Variants in RCOR2 observed in about 807,000 individuals in gnomAD.
RCOR2 encodes REST corepressor 2.
In RCOR2, 19 loss-of-function variants were observed where a neutral mutation model predicts 58.9. That is an observed-to-expected ratio of 0.32 (90% CI 0.23 to 0.47). The LOEUF is 0.47. Ranked by LOEUF, RCOR2 falls within the 20% of genes least tolerant of loss-of-function variation. RCOR2 has a pLI of 1.00. For synonymous variants in RCOR2, 286 were observed against 278.7 expected (o/e 1.03, Z -0.26); for missense variants, 590 against 707.9 (o/e 0.83, Z 1.89).
At chr11:63,912,566 AC>A (rs1260900336) in intron 10 of RCOR2, 32 bp from the exon 11 acceptor site, 1 of 1,591,060 alleles carries the variant, frequency 6.3e-7, no homozygotes, top group African/African-American at 1.3e-5. Flanking sequence ...CAGCGTCAAT[AC>A]CCCTTCGAAC....
At position 63,914,509 on chromosome 11, in the gene RCOR2, T is replaced by G. The variant is rs377722799; in HGVS notation, c.513A>C (p.Lys171Asn). 1.2e-6 allele frequency: 2 copies of G among 1,613,736 alleles called. No individual in the cohort carries two copies. The highest frequency in any genetic ancestry group is 1.7e-5 in the Admixed American group (1 of 60,020). The part of the protein sequence containing the change: ...LPDKLIPSLV[K>N]YYYSWKKTRS... ...GGGTCTTCTTCCAAGAGTAGTAGTA[T>G]TTCACCAGGCTGGGAATCAACTTGT... The change falls in exon 6 of 12, where the codon AAA becomes AAC. Residue 171 changes from lysine to asparagine, a missense_variant. Around this residue, in one of 3 missense-constraint regions of RCOR2, gnomAD observed 390 missense variants for 478.7 expected, o/e 0.81. Coordinates refer to ENST00000301459, the MANE Select transcript of RCOR2 (RefSeq NM_173587.4).
At chr11:63,921,391 T>G (rs1941915190), upstream of RCOR2, among the ~76,000 whole-genome samples, 1 of 152,162 alleles carries the variant, frequency 6.6e-6, no homozygotes, top group Non-Finnish European at 1.5e-5. Flanking sequence ...AGTGCCTGGA[T>G]CATGGTCCCC....
At chr11:63,925,780 G>A in the RCOR2 span, among the ~76,000 whole-genome samples, 1 of 143,590 alleles carries the variant, frequency 7.0e-6, no homozygotes, top group Non-Finnish European at 1.5e-5. Context: ...CAGCCTGGGC[G>A]ACAGGGTGAG....
Position 63,912,371 on chromosome 11 carries a change from T to G in RCOR2, c.1191A>C (p.Pro397=), listed in dbSNP as rs899405352. The part of the protein sequence containing the change: ...EAEQDGAPGA[P]VPMEEARRGA... The stretch of plus-strand genomic sequence containing the variant: ...CTCTCCTAGCCTCCTCCATGGGGAC[T>G]GGGGCTCCAGGGGCCCCATCCTGCT... The change falls in exon 11 of 12, where the codon CCA becomes CCC. Residue 397 remains proline (P), a synonymous_variant. Coordinates refer to ENST00000301459, the MANE Select transcript of RCOR2 (RefSeq NM_173587.4). 1.2e-6 allele frequency: 2 copies of G among 1,613,586 alleles called. No individual in the cohort carries two copies. Among genetic ancestry groups the G allele is most frequent in the Admixed American group, 3.3e-5 (2 of 59,992 alleles).
the RCOR2 span, among the ~76,000 whole-genome samples, chr11:63,926,789 T>TTG: frequency 8.5e-5 from 9 of 105,306 alleles, no homozygotes; most frequent in African/African-American, 1.2e-4. Flanking sequence ...GTTTTTTTTT[T>TTG]TTGTTTTGTT....
upstream of RCOR2, among the ~76,000 whole-genome samples, chr11:63,920,293 G>A (rs1252787006): frequency 1.3e-5 from 2 of 152,242 alleles, no homozygotes; most frequent in African/African-American, 4.8e-5. Context: ...AGGTGAGGCC[G>A]AGGGGACAAA....
chr11:63,915,570 G>T lies in RCOR2; in HGVS notation c.169C>A (p.Pro57Thr). Residue 57 changes from proline (P) to threonine (T), a missense_variant, in exon 2 of 12, where the codon CCG (proline) becomes ACG (threonine). Pro to Thr is a conservative substitution (Grantham distance 38). Around this residue, in one of 3 missense-constraint regions of RCOR2, gnomAD observed 390 missense variants for 478.7 expected, o/e 0.81. Transcript: ENST00000301459. ...TGCGGCTCACCAGGCTTGCACTCCG[G>T]AATTACGGCCTGGTAATTGGTTCCA... ...RVGTNYQAVI[P>T]ECKPESPARY... 6.6e-7 allele frequency: 1 copy of T among 1,526,710 alleles called. No homozygotes were observed. Among genetic ancestry groups the T allele is most frequent in the Non-Finnish European group, 8.8e-7 (1 of 1,132,680 alleles). 94.6% of individuals were successfully genotyped at this position (1,526,710 alleles called of 1,614,324 possible). A position where few individuals can be genotyped will look rare whatever the true frequency, so the allele number is the denominator to read the frequency against.
chr11:63,917,404 GC>G (rs1056881750), upstream of RCOR2, among the ~76,000 whole-genome samples: 6 of 152,138 alleles, frequency 3.9e-5, no homozygotes, highest in Middle Eastern at 3.4e-3. Context: ...AGACCCCACT[GC>G]CCCCCAGGAG....
chr11:63,922,361 A>AT, the RCOR2 span, among the ~76,000 whole-genome samples: 2 of 151,848 alleles, frequency 1.3e-5, no homozygotes, highest in African/African-American at 4.8e-5. Flanking sequence ...TAATACAAAT[A>AT]TTTTTTTTCT....
At chr11:63,917,363 G>T (rs1590737831), upstream of RCOR2, among the ~76,000 whole-genome samples, 1 of 152,064 alleles carries the variant, frequency 6.6e-6, no homozygotes, top group African/African-American at 2.4e-5. Flanking sequence ...CTCCCCTCGC[G>T]TCCCTGGGCT....
the RCOR2 span, among the ~76,000 whole-genome samples, chr11:63,925,800 CA>C: frequency 1.1e-3 from 145 of 134,252 alleles, no homozygotes; most frequent in East Asian, 2.5e-3. Flanking sequence ...GACCCTGTCT[CA>C]AAAAAAAAAA....
chr11:63,912,317 C>G lies in RCOR2; in HGVS notation c.1245G>C (p.Glu415Asp). ...ACCCCCTTCTCACCTCATCATCTTC[C>G]TCTAGGGCTGGGGCTGGCAATGGAG... ...RGAPLPAPAL[E>D]EDDEVQITSV... The change falls in exon 11 of 12, where the codon GAG becomes GAC. Residue 415 changes from glutamate to aspartate, a missense_variant. Physicochemically the swap from Glu to Asp is conservative, Grantham distance 45. Transcript: ENST00000301459. 1 of 1,612,920 alleles carries G rather than the reference C, an allele frequency of 6.2e-7. No homozygotes were observed. Among genetic ancestry groups the G allele is most frequent in the Non-Finnish European group, 8.5e-7 (1 of 1,179,416 alleles).
upstream of RCOR2, among the ~76,000 whole-genome samples, chr11:63,921,906 C>T (rs1337901787): frequency 2.0e-5 from 3 of 152,222 alleles, no homozygotes; most frequent in Non-Finnish European, 4.4e-5. Flanking sequence ...GAACATTTCC[C>T]ACAAAGTCCA....
At position 63,911,961 on chromosome 11, in the gene RCOR2, G is replaced by T; in HGVS notation, c.1476C>A (p.Pro492=). ...PNQPPPPLIR[P]ALAAPRHSAR... is the part of the protein sequence containing the mutation. The stretch of plus-strand genomic sequence containing the variant: ...CGCTGTGGCGGGGGGCAGCCAGAGC[G>T]GGGCGGATGAGAGGCGGTGGGGGCT... The change falls in exon 12 of 12, where the codon CCC becomes CCA. Residue 492 remains proline (P), a synonymous_variant. Coordinates refer to ENST00000301459, the MANE Select transcript of RCOR2 (RefSeq NM_173587.4). The T allele has an allele frequency of 7.5e-7, 1 of 1,335,386 alleles. No individual in the cohort carries two copies. Among genetic ancestry groups the T allele is most frequent in the Non-Finnish European group, 9.9e-7 (1 of 1,008,236 alleles). The allele number at this position is 1,335,386 out of a possible 1,614,324, so 82.7% of individuals were successfully genotyped here.
chr11:63,914,378 C>T (rs770120795), intron 6 of RCOR2, 39 bp downstream of exon 6: 3 of 1,613,294 alleles, frequency 1.9e-6, no homozygotes, highest in Non-Finnish European at 2.5e-6. Context: ...GCCAGGAGCT[C>T]TACCTACCCC....
In RCOR2 at chr11:63,916,552, G is replaced by T; in HGVS notation, c.-96C>A. 1.4e-6 allele frequency: 2 copies of T among 1,478,998 alleles called. No homozygotes were observed. The highest frequency in any genetic ancestry group is 2.2e-5 in the Admixed American group (1 of 44,614). 91.6% of individuals were successfully genotyped at this position (1,478,998 alleles called of 1,614,324 possible). A position where few individuals can be genotyped will look rare whatever the true frequency, so the allele number is the denominator to read the frequency against. ...AGTGCCGAGCCCGGCCCGGCCTGGA[G>T]AGGTCGCCACTGAGGTTAGGAGAGG... On this transcript the variant is annotated 5_prime_UTR_variant, in exon 1 of 12. Transcript: ENST00000301459.
chr11:63,921,410 T>C (rs574521425), upstream of RCOR2, among the ~76,000 whole-genome samples: 8 of 152,254 alleles, frequency 5.3e-5, no homozygotes, highest in East Asian at 1.9e-4. Context: ...CCCTGGGCCA[T>C]TGGAGTCATT....
chr11:63,921,265 A>G (rs539604452), upstream of RCOR2, among the ~76,000 whole-genome samples: 1 of 152,280 alleles, frequency 6.6e-6, no homozygotes, highest in African/African-American at 2.4e-5. Context: ...CCTTGCCCTC[A>G]CCTGGACAAC....
the RCOR2 span, among the ~76,000 whole-genome samples, chr11:63,924,913 C>T: frequency 1.3e-5 from 2 of 148,536 alleles, no homozygotes; most frequent in Non-Finnish European, 3.0e-5. Flanking sequence ...TGCAATGGCG[C>T]GATCTTGGCT....
Sources: gnomAD v4.1 joint callset for allele counts (sites outside exome capture counted in the v4.1 genomes callset) on GRCh38, gnomAD v4.1.1 for gene constraint, gnomAD v4.1.1 regional missense constraint, MANE v1.5 for transcripts, NCBI Gene and HGNC (gene_info 2026-07-23, HGNC 2026-07-21) for gene names.